The following RFTN1 variants were observed in gnomAD, a reference collection of about 807,000 sequenced individuals.
RFTN1 encodes raftlin.
RFTN1 carries 26 observed loss-of-function variants against 46.5 expected under a neutral mutation model. That is an observed-to-expected ratio of 0.56 (90% CI 0.41 to 0.78). The LOEUF is 0.78. Ranked by LOEUF, RFTN1 falls within the 30% of genes least tolerant of loss-of-function variation. The pLI, the probability that RFTN1 is intolerant of heterozygous loss-of-function variation, is 0.00. For synonymous variants in RFTN1, 261 were observed against 284.2 expected (o/e 0.92, Z 0.82); for missense variants, 693 against 718.7 (o/e 0.96, Z 0.41).
intron 1 of RFTN1, among the ~76,000 whole-genome samples, chr3:16,503,028 C>A (rs567001689): frequency 6.6e-6 from 1 of 152,250 alleles, no homozygotes; most frequent in Admixed American, 6.5e-5. Flanking sequence ...ATTTGTTACA[C>A]AATAAAAGAT....
chr3:16,363,060 A>G (rs1410130241), intron 6 of RFTN1, among the ~76,000 whole-genome samples: 1 of 152,224 alleles, frequency 6.6e-6, no homozygotes, highest in Non-Finnish European at 1.5e-5. Flanking sequence ...ATGCTCCAGT[A>G]TTCTGAATCC....
At chr3:16,437,982 G>A (rs2075548617) in intron 2 of RFTN1, among the ~76,000 whole-genome samples, 1 of 152,100 alleles carries the variant, frequency 6.6e-6, no homozygotes, top group South Asian at 2.1e-4. Flanking sequence ...GGAGTGTAGG[G>A]CTTTATGGAA....
chr3:16,345,786 C>CTGTGTGTGTGTGTGTGTGTGTGTGTGTG lies in RFTN1; in HGVS notation c.1146+12145_1146+12146insCACACACACACACACACACACACACACA, dbSNP rs1553726059. ...CATGAGCCAAAACCTTATAATAAAT[C>CTGTGTGTGTGTGTGTGTGTGTGTGTGTG]TCTGTGTGTGTGTGTGTGTGTGTGT... On this transcript the variant is annotated intron_variant, in intron 7 of 9. Transcript: ENST00000334133. This position sits in a 1 kb window ranked among gnomAD's most constrained non-coding sequence, Gnocchi z 5.2. 1.2e-5 allele frequency among the ~76,000 whole-genome samples: 1 copy of CTGTGTGTGTGTGTGTGTGTGTGTGTGTG among 81,556 alleles called. No individual in the cohort carries two copies. The highest frequency in any genetic ancestry group is 5.4e-5 in the African/African-American group (1 of 18,508). 53.5% of individuals were successfully genotyped at this position (81,556 alleles called of 152,430 possible). A position where few individuals can be genotyped will look rare whatever the true frequency, so the allele number is the denominator to read the frequency against.
chr3:16,393,326 AGACATTATGT>A (rs1019048890), intron 4 of RFTN1, among the ~76,000 whole-genome samples: 1 of 152,170 alleles, frequency 6.6e-6, no homozygotes. Flanking sequence ...GATGCACCAT[AGACATTATGT>A]TCACTGCCAA....
In RFTN1 at chr3:16,329,970, A is replaced by T. The variant is rs2070144308; in HGVS notation, c.1147-3094T>A. Among the ~76,000 whole-genome samples the T allele has an allele frequency of 6.6e-6, 1 of 152,304 alleles. No individual in the cohort carries two copies. Among genetic ancestry groups the T allele is most frequent in the South Asian group, 2.1e-4 (1 of 4,818 alleles). On this transcript the variant is annotated intron_variant, in intron 7 of 9. Coordinates refer to ENST00000334133, the MANE Select transcript of RFTN1 (RefSeq NM_015150.2). The surrounding 1 kb of genome is among the most constrained non-coding windows in gnomAD (Gnocchi z 4.5). Reference sequence around the variant, plus strand: ...CAGCCCGACCCGCCTGCTTAGACAGACTGCAAACCGGCTGCTTCTATTTTG... The same window carrying T: ...CAGCCCGACCCGCCTGCTTAGACAGTCTGCAAACCGGCTGCTTCTATTTTG...
chr3:16,456,345 A>G (rs925279532), intron 2 of RFTN1, among the ~76,000 whole-genome samples: 7 of 152,312 alleles, frequency 4.6e-5, no homozygotes, highest in Non-Finnish European at 1.0e-4. Flanking sequence ...TGTGGTAGAA[A>G]GTATACCCCT....
intron 4 of RFTN1, among the ~76,000 whole-genome samples, chr3:16,398,291 C>T (rs1450953569): frequency 1.4e-5 from 2 of 148,076 alleles, no homozygotes; most frequent in Admixed American, 1.3e-4. Flanking sequence ...CATGACTCTC[C>T]AAGAGGGCTT....
At chr3:16,355,347 A>C (rs1228001414) in intron 7 of RFTN1, among the ~76,000 whole-genome samples, 1 of 152,190 alleles carries the variant, frequency 6.6e-6, no homozygotes, top group East Asian at 1.9e-4. Flanking sequence ...AAATAATAGA[A>C]ACTTATTCCT....
At position 16,352,216 on chromosome 3, in the gene RFTN1, C is replaced by T. The variant is rs2072149569; in HGVS notation, c.1146+5716G>A. Among the ~76,000 whole-genome samples, 1 of 152,212 alleles carries T rather than the reference C, an allele frequency of 6.6e-6. No homozygotes were observed. The highest frequency in any genetic ancestry group is 2.1e-4 in the South Asian group (1 of 4,832). On this transcript the variant is annotated intron_variant, in intron 7 of 9. Transcript: ENST00000334133. The surrounding 1 kb of genome is among the most constrained non-coding windows in gnomAD (Gnocchi z 4.6). ...TATGTTCCATTCTGGCACCAAATTT[C>T]ACGATAAGCACTGATATGCTAGAAC...
intron 2 of RFTN1, among the ~76,000 whole-genome samples, chr3:16,478,336 C>T (rs1030816260): frequency 3.9e-5 from 6 of 152,160 alleles, no homozygotes; most frequent in African/African-American, 1.4e-4. Flanking sequence ...CTACATTTCC[C>T]ATCTCCCAAT....
chr3:16,434,499 G>A (rs1232965377), intron 2 of RFTN1, among the ~76,000 whole-genome samples: 1 of 152,194 alleles, frequency 6.6e-6, no homozygotes, highest in Non-Finnish European at 1.5e-5. Flanking sequence ...GGTTTGCAGT[G>A]AGCCATGATA....
chr3:16,336,347 T>C lies in RFTN1; in HGVS notation c.1147-9471A>G, dbSNP rs1268559163. The stretch of plus-strand genomic sequence containing the variant: ...AGGGGTGGGGAGAACAAGCACATGG[T>C]TCCCATCCAGTGGAGCCCATGGAGG... On this transcript the variant is annotated intron_variant, in intron 7 of 9. Transcript: ENST00000334133. The surrounding 1 kb of genome is among the most constrained non-coding windows in gnomAD (Gnocchi z 6.0). Among the ~76,000 whole-genome samples the C allele has an allele frequency of 6.6e-6, 1 of 152,122 alleles. No homozygotes were observed. The highest frequency in any genetic ancestry group is 6.5e-5 in the Admixed American group (1 of 15,272).
At chr3:16,439,170 T>G (rs931347518) in intron 2 of RFTN1, among the ~76,000 whole-genome samples, 1 of 152,204 alleles carries the variant, frequency 6.6e-6, no homozygotes, top group African/African-American at 2.4e-5. Context: ...ATTATAAACA[T>G]GATTAAAGGC....
chr3:16,482,453 G>C (rs2076382095), intron 2 of RFTN1, among the ~76,000 whole-genome samples: 4 of 152,182 alleles, frequency 2.6e-5, no homozygotes, highest in African/African-American at 9.6e-5. Flanking sequence ...ATCAAAGCTG[G>C]GGTCCTTGAA....
At position 16,421,942 on chromosome 3, in the gene RFTN1, A is replaced by C. The variant is rs888872125; in HGVS notation, c.332+11909T>G. On this transcript the variant is annotated intron_variant, in intron 3 of 9. Transcript: ENST00000334133. This position sits in a 1 kb window ranked among gnomAD's most constrained non-coding sequence, Gnocchi z 4.6. ...GCAGGCCCCTCCTGCTCCATACAGCACATGTGACCTCTGACATACACACCA... is the reference window on the plus strand; with the variant it reads ...GCAGGCCCCTCCTGCTCCATACAGCCCATGTGACCTCTGACATACACACCA... Among the ~76,000 whole-genome samples the C allele has an allele frequency of 6.6e-6, 1 of 152,150 alleles. No individual in the cohort carries two copies. The highest frequency in any genetic ancestry group is 6.5e-5 in the Admixed American group (1 of 15,278).
chr3:16,511,711 A>G (rs1403755787), intron 1 of RFTN1, among the ~76,000 whole-genome samples: 1 of 152,020 alleles, frequency 6.6e-6, no homozygotes, highest in Non-Finnish European at 1.5e-5. Flanking sequence ...CACTCATGCC[A>G]AAGATTTTCT....
intron 6 of RFTN1, among the ~76,000 whole-genome samples, chr3:16,360,673 G>T (rs2072772844): frequency 6.6e-6 from 1 of 152,140 alleles, no homozygotes; most frequent in Admixed American, 6.5e-5. Context: ...AACCTCCAAT[G>T]CCATCAAATA....
chr3:16,499,626 T>C lies in RFTN1; in HGVS notation c.-8-5749A>G, dbSNP rs1332611892. Among the ~76,000 whole-genome samples, 1 of 152,252 alleles carries C rather than the reference T, an allele frequency of 6.6e-6. No homozygotes were observed. The highest frequency in any genetic ancestry group is 2.4e-5 in the African/African-American group (1 of 41,468). ...TCCTGAGCAAAATAAGCTACTGTTG[T>C]TGTTTTAAGCTTCTAAGTTTTGGAG... is the stretch of plus-strand genomic sequence containing the variant. On this transcript the variant is annotated intron_variant, in intron 1 of 9. Transcript: ENST00000334133. The surrounding 1 kb of genome is among the most constrained non-coding windows in gnomAD (Gnocchi z 4.9).
chr3:16,324,040 T>C (rs1009255819), intron 8 of RFTN1, among the ~76,000 whole-genome samples: 2 of 152,122 alleles, frequency 1.3e-5, no homozygotes, highest in African/African-American at 4.8e-5. Flanking sequence ...GAATTCTCTC[T>C]TCCCAGGAAG....
Sources: allele counts gnomAD v4.1 joint callset (sites outside exome capture counted in the v4.1 genomes callset), GRCh38; gene constraint gnomAD v4.1.1; non-coding constraint Gnocchi (gnomAD v3.1); transcripts MANE v1.5; gene names NCBI Gene and HGNC (gene_info 2026-07-23, HGNC 2026-07-21).